The following EPHA6 variants were observed in gnomAD, a reference collection of about 807,000 sequenced individuals.
The protein encoded by EPHA6 is EPH receptor A6, also known as ephrin type-A receptor 6.
In EPHA6, 50 loss-of-function variants were observed where a neutral mutation model predicts 112.0. The observed-to-expected ratio is 0.45, with a 90% CI of 0.36 to 0.56. EPHA6 has a LOEUF of 0.56. Ranked by LOEUF, EPHA6 falls within the 20% of genes least tolerant of loss-of-function variation. The pLI is 0.00. For synonymous variants in EPHA6, 529 were observed against 490.7 expected, an observed-to-expected ratio of 1.08 and a Z score of -1.03; for missense variants, 1,280 against 1,417.4, an observed-to-expected ratio of 0.90 and a Z score of 1.56.
At chr3:97,024,620 C>A (rs1162587707) in intron 3 of EPHA6, among the ~76,000 whole-genome samples, 1 of 152,078 alleles carries the variant, frequency 6.6e-6, no homozygotes, top group Admixed American at 6.6e-5. Flanking sequence ...TCCCAATTTT[C>A]AAAATCAAGA....
intron 3 of EPHA6, among the ~76,000 whole-genome samples, chr3:97,211,282 C>T (rs886309495): frequency 6.6e-6 from 1 of 152,138 alleles, no homozygotes; most frequent in African/African-American, 2.4e-5. Flanking sequence ...TCAGGTTCCT[C>T]ATCTTAATAA....
chr3:97,675,036 T>C (rs1338093541), intron 14 of EPHA6, among the ~76,000 whole-genome samples: 1 of 152,184 alleles, frequency 6.6e-6, no homozygotes, highest in Non-Finnish European at 1.5e-5. Flanking sequence ...GGGCCTATGC[T>C]TTGCGGGAAA....
intron 11 of EPHA6, chr3:97,560,628 G>C (rs2093176339): frequency 1.3e-5 from 2 of 151,974 alleles, no homozygotes; most frequent in Admixed American, 1.3e-4. Context: ...ATTCTTCAAA[G>C]AATATTCATT....
intron 3 of EPHA6, among the ~76,000 whole-genome samples, chr3:97,192,369 G>A (rs2077330232): frequency 6.6e-6 from 1 of 152,098 alleles, no homozygotes; most frequent in African/African-American, 2.4e-5. Flanking sequence ...CTGGCCTCAA[G>A]TGATCCACTT....
At chr3:96,863,411 G>A (rs1416277454) in intron 1 of EPHA6, among the ~76,000 whole-genome samples, 2 of 151,712 alleles carry the variant, frequency 1.3e-5, no homozygotes, top group Non-Finnish European at 2.9e-5. Flanking sequence ...TGAAACAAAT[G>A]ATAAAATTAA....
intron 3 of EPHA6, among the ~76,000 whole-genome samples, chr3:97,198,252 C>T (rs1293865297): frequency 1.3e-5 from 2 of 152,100 alleles, no homozygotes; most frequent in Non-Finnish European, 2.9e-5. Flanking sequence ...CTTGCTCTGC[C>T]TGCTCACCAA....
At chr3:97,177,841 T>G (rs2076879839) in intron 3 of EPHA6, among the ~76,000 whole-genome samples, 1 of 152,064 alleles carries the variant, frequency 6.6e-6, no homozygotes, top group Non-Finnish European at 1.5e-5. Flanking sequence ...ATGTGTGCCT[T>G]TAAAAGTGAA....
chr3:97,086,119 G>A (rs2046893017), intron 3 of EPHA6, among the ~76,000 whole-genome samples: 2 of 151,602 alleles, frequency 1.3e-5, no homozygotes. Context: ...ATTTTTAGTA[G>A]AGATGGGGTT....
intron 6 of EPHA6, among the ~76,000 whole-genome samples, chr3:97,429,122 T>A: frequency 6.6e-6 from 1 of 152,122 alleles, no homozygotes; most frequent in East Asian, 1.9e-4. Flanking sequence ...CAACACATAA[T>A]TCTTGGTAAT....
chr3:97,695,989 T>G (rs1486045924), intron 14 of EPHA6, among the ~76,000 whole-genome samples: 1 of 152,236 alleles, frequency 6.6e-6, no homozygotes, highest in East Asian at 1.9e-4. Flanking sequence ...CACAGAACCT[T>G]GTACACATTA....
chr3:97,136,348 G>C (rs1330960843), intron 3 of EPHA6, among the ~76,000 whole-genome samples: 9 of 152,122 alleles, frequency 5.9e-5, no homozygotes, highest in Non-Finnish European at 1.2e-4. Context: ...CAATAAGACA[G>C]TAAAATCCTT....
chr3:97,403,975 TAACTC>T, intron 5 of EPHA6, among the ~76,000 whole-genome samples: 1 of 152,306 alleles, frequency 6.6e-6, no homozygotes, highest in African/African-American at 2.4e-5. Context: ...TATTCTGAAA[TAACTC>T]TATTCTAGTG....
At chr3:97,426,447 C>G (rs1313507833) in intron 6 of EPHA6, among the ~76,000 whole-genome samples, 2 of 152,118 alleles carry the variant, frequency 1.3e-5, no homozygotes, top group South Asian at 4.1e-4. Context: ...TCCACCTGGC[C>G]CTGTCATTGA....
chr3:97,715,041 A>C (rs2034152189), intron 14 of EPHA6, among the ~76,000 whole-genome samples: 1 of 152,252 alleles, frequency 6.6e-6, no homozygotes, highest in Non-Finnish European at 1.5e-5. Flanking sequence ...CAAAGTGTTT[A>C]AGTTACTTTC....
chr3:97,525,636 G>A (rs747412199), intron 10 of EPHA6, among the ~76,000 whole-genome samples: 1 of 152,136 alleles, frequency 6.6e-6, no homozygotes, highest in Non-Finnish European at 1.5e-5. Context: ...GAATAGATTT[G>A]ACAAACTAAA....
intron 14 of EPHA6, among the ~76,000 whole-genome samples, chr3:97,696,688 A>T (rs901983057): frequency 2.0e-5 from 3 of 152,164 alleles, no homozygotes; most frequent in South Asian, 2.1e-4. Context: ...CATAATAATA[A>T]TTATAATAAC....
chr3:97,731,539 C>T (rs1045169653), intron 15 of EPHA6, among the ~76,000 whole-genome samples: 1 of 152,004 alleles, frequency 6.6e-6, no homozygotes, highest in Admixed American at 6.6e-5. Flanking sequence ...TCTACCATTA[C>T]TGTGATCGAG....
chr3:97,643,770 G>A (rs1213940154), intron 14 of EPHA6, among the ~76,000 whole-genome samples: 1 of 151,296 alleles, frequency 6.6e-6, no homozygotes, highest in African/African-American at 2.4e-5. Context: ...CAATACAGGA[G>A]CACCCAGATT....
At chr3:97,034,771 T>C (rs1318200968) in intron 3 of EPHA6, among the ~76,000 whole-genome samples, 1 of 151,966 alleles carries the variant, frequency 6.6e-6, no homozygotes, top group African/African-American at 2.4e-5. Flanking sequence ...CAGAGTACTG[T>C]TTCTATGTTC....
Sources: allele counts gnomAD v4.1 joint callset (sites outside exome capture counted in the v4.1 genomes callset), GRCh38; gene constraint gnomAD v4.1.1; transcripts MANE v1.5; gene names NCBI Gene and HGNC (gene_info 2026-07-23, HGNC 2026-07-21).